KLF15: variants seen among roughly 807,000 people sequenced by gnomAD.
KLF15 encodes the protein KLF transcription factor 15, also known as Krueppel-like factor 15.
A neutral mutation model predicts 24.6 loss-of-function variants in KLF15; 4 were observed. That is an observed-to-expected ratio of 0.16 (90% CI 0.08 to 0.37). The LOEUF is 0.37. Ranked by LOEUF, KLF15 falls within the 10% of genes least tolerant of loss-of-function variation. The pLI, the probability that KLF15 is intolerant of heterozygous loss-of-function variation, is 1.00. For synonymous variants in KLF15, 246 were observed against 236.3 expected, an observed-to-expected ratio of 1.04 and a Z score of -0.37; for missense variants, 496 against 560.6, an observed-to-expected ratio of 0.88 and a Z score of 1.16.
At chr3:126,319,252 C>A in the KLF15 span, among the ~76,000 whole-genome samples, 2 of 152,194 alleles carry the variant, frequency 1.3e-5, no homozygotes, top group African/African-American at 4.8e-5. Context: ...CTATCAATAT[C>A]TGCATGCAGG....
the KLF15 span, among the ~76,000 whole-genome samples, chr3:126,325,064 GT>G: frequency 1.2e-5 from 1 of 83,922 alleles, no homozygotes; most frequent in Non-Finnish European, 2.2e-5. Flanking sequence ...GCGGTGTTTG[GT>G]TTTTTGTACT....
In KLF15 at chr3:126,353,017, C is replaced by T; in HGVS notation, c.-25-70G>A. On this transcript the variant is annotated intron_variant, in intron 1 of 2. Transcript: ENST00000296233. ...CACCTGCCACCTCGCAGGCCTCTGA[C>T]CCCACCCTCAGCTGCCTGCCCACAG... is the stretch of plus-strand genomic sequence containing the variant. 5 of 1,482,584 alleles carry T rather than the reference C, an allele frequency of 3.4e-6. No individual in the cohort carries two copies. The South Asian group carries it at 5.6e-5, about 17-fold the overall frequency. The allele number at this position is 1,482,584 out of a possible 1,614,324, so 91.8% of individuals were successfully genotyped here.
the KLF15 span, among the ~76,000 whole-genome samples, chr3:126,332,101 C>T: frequency 3.3e-5 from 5 of 152,174 alleles, no homozygotes; most frequent in African/African-American, 4.8e-5. Context: ...TCTCTGTAGG[C>T]GCCACCGCTG....
the KLF15 span, among the ~76,000 whole-genome samples, chr3:126,316,104 G>T: frequency 6.6e-6 from 1 of 152,138 alleles, no homozygotes. Context: ...AATAATTGCG[G>T]CAGAGACCAC....
chr3:126,293,258 T>C, the KLF15 span, among the ~76,000 whole-genome samples: 1 of 151,884 alleles, frequency 6.6e-6, no homozygotes, highest in East Asian at 1.9e-4. Flanking sequence ...GAGGGTACAA[T>C]GAGCCATGAT....
the KLF15 span, among the ~76,000 whole-genome samples, chr3:126,311,360 C>T: frequency 2.0e-5 from 3 of 152,234 alleles, no homozygotes; most frequent in Non-Finnish European, 4.4e-5. Context: ...GGCAAAGCTT[C>T]TGCTGTCTGG....
the KLF15 span, among the ~76,000 whole-genome samples, chr3:126,333,734 A>C: frequency 2.2e-5 from 3 of 134,474 alleles, no homozygotes; most frequent in Non-Finnish European, 4.8e-5. Context: ...AAGATCTACC[A>C]AGCAAATGGA....
chr3:126,299,205 A>AGTATGTATGTATGTAT, the KLF15 span, among the ~76,000 whole-genome samples: 13,077 of 150,430 alleles, frequency 0.087, 633 homozygotes, highest in South Asian at 0.12. Flanking sequence ...TATATTCCTA[A>AGTATGTATGTATGTAT]GTATGTATGT....
chr3:126,304,585 C>G, the KLF15 span, among the ~76,000 whole-genome samples: 1 of 152,172 alleles, frequency 6.6e-6, no homozygotes, highest in Non-Finnish European at 1.5e-5. Context: ...CCAGCACCTC[C>G]ACCTGGAAAT....
the KLF15 span, among the ~76,000 whole-genome samples, chr3:126,302,757 C>T: frequency 0.42 from 63,960 of 151,626 alleles, 13,727 homozygotes; most frequent in African/African-American, 0.46. Flanking sequence ...ATATCTTTTC[C>T]CATCCTCCTA....
the KLF15 span, chr3:126,289,007 C>A: frequency 6.6e-6 from 1 of 152,078 alleles, no homozygotes; most frequent in Non-Finnish European, 1.5e-5. Context: ...CAGTAATTCA[C>A]ACAGAAAATC....
At chr3:126,329,946 G>A in the KLF15 span, among the ~76,000 whole-genome samples, 1 of 151,030 alleles carries the variant, frequency 6.6e-6, no homozygotes. Flanking sequence ...GATTTTGATT[G>A]TGTTAGTGCC....
At chr3:126,324,806 CTTT>C in the KLF15 span, among the ~76,000 whole-genome samples, 5 of 59,582 alleles carry the variant, frequency 8.4e-5, no homozygotes, top group African/African-American at 2.9e-4. Flanking sequence ...TTTTTTCGCT[CTTT>C]TTTTTTTTTT....
chr3:126,292,005 A>G, the KLF15 span, among the ~76,000 whole-genome samples: 1 of 152,228 alleles, frequency 6.6e-6, no homozygotes, highest in East Asian at 1.9e-4. Flanking sequence ...CATTCCCTCC[A>G]CACCCTAAGT....
the KLF15 span, among the ~76,000 whole-genome samples, chr3:126,318,902 T>C: frequency 6.6e-6 from 1 of 152,184 alleles, no homozygotes; most frequent in Non-Finnish European, 1.5e-5. Context: ...TCCACCATTG[T>C]AGTATGACAC....
the KLF15 span, among the ~76,000 whole-genome samples, chr3:126,294,508 C>T: frequency 4.7e-4 from 71 of 152,250 alleles, no homozygotes; most frequent in East Asian, 4.4e-3. Flanking sequence ...CACTTTTAAA[C>T]GTCAATAATT....
chr3:126,337,394 G>A, the KLF15 span, among the ~76,000 whole-genome samples: 1 of 129,778 alleles, frequency 7.7e-6, no homozygotes, highest in Non-Finnish European at 1.6e-5. Flanking sequence ...CATGGACACA[G>A]GAAGGGGAAT....
the KLF15 span, among the ~76,000 whole-genome samples, chr3:126,289,751 C>T: frequency 1.3e-5 from 2 of 152,184 alleles, no homozygotes; most frequent in Admixed American, 1.3e-4. Flanking sequence ...CCGTTTGTGA[C>T]TGAAATTGAA....
In KLF15 at chr3:126,343,713, G is replaced by A. The variant is rs748541295; in HGVS notation, c.*14C>T. ...GGATCCGGGGTGACGGACAGGCTGG[G>A]GTTCAGGGCGCTTTCAGTTCACGGA... is the stretch of plus-strand genomic sequence containing the variant. On this transcript the variant is annotated 3_prime_UTR_variant, in exon 3 of 3. Transcript: ENST00000296233. 1.9e-6 allele frequency: 3 copies of A among 1,605,578 alleles called. No individual in the cohort carries two copies. The highest frequency in any genetic ancestry group is 3.5e-5 in the Admixed American group (2 of 57,564).
Sources: allele counts gnomAD v4.1 joint callset (sites outside exome capture counted in the v4.1 genomes callset), GRCh38; gene constraint gnomAD v4.1.1; transcripts MANE v1.5; gene names NCBI Gene and HGNC (gene_info 2026-07-23, HGNC 2026-07-21).